Variants in DYM observed in about 807,000 individuals in gnomAD.
The protein encoded by DYM is dyggve-Melchior-Clausen syndrome protein.
Under a neutral mutation model 93.1 loss-of-function variants are expected in DYM, and 78 were observed. That is an observed-to-expected ratio of 0.84 (90% confidence interval 0.70 to 1.01). DYM has a LOEUF of 1.01. Among genes scored for constraint, DYM ranks in the 50% least tolerant of loss-of-function variants. DYM has a pLI of 0.00. For missense variants in DYM, 789 were observed against 845.0 expected, an observed-to-expected ratio of 0.93 and a Z score of 0.82; for synonymous variants, 321 against 319.7, an observed-to-expected ratio of 1.00 and a Z score of -0.04.
At chr18:49,360,160 T>TG (rs2065896158) in intron 6 of DYM, among the ~76,000 whole-genome samples, 1 of 151,974 alleles carries the variant, frequency 6.6e-6, no homozygotes, top group African/African-American at 2.4e-5. Flanking sequence ...AGTGTTTAAA[T>TG]GGCTGCTCTA....
chr18:49,435,305 G>C (rs1400809922), intron 1 of DYM, among the ~76,000 whole-genome samples: 2 of 150,154 alleles, frequency 1.3e-5, no homozygotes, highest in African/African-American at 4.9e-5. Flanking sequence ...GGAATGCTTT[G>C]TTATTATAAG....
intron 14 of DYM, among the ~76,000 whole-genome samples, chr18:49,201,031 A>C (rs759972083): frequency 1.3e-5 from 2 of 152,182 alleles, no homozygotes; most frequent in African/African-American, 2.4e-5. Context: ...TAGTATAACA[A>C]ATTTTTAAAT....
intron 11 of DYM, among the ~76,000 whole-genome samples, chr18:49,271,929 T>C (rs890286714): frequency 6.7e-6 from 1 of 148,160 alleles, no homozygotes; most frequent in Non-Finnish European, 1.5e-5. Flanking sequence ...ATGAACCCAG[T>C]AGCAGCAAAA....
intron 13 of DYM, among the ~76,000 whole-genome samples, chr18:49,210,338 A>C (rs893533621): frequency 6.6e-6 from 1 of 152,250 alleles, no homozygotes; most frequent in African/African-American, 2.4e-5. Context: ...ATAAATAAAT[A>C]AACGGTGGTA....
chr18:49,267,466 C>T (rs1242696862), intron 11 of DYM, among the ~76,000 whole-genome samples: 1 of 152,028 alleles, frequency 6.6e-6, no homozygotes, highest in Non-Finnish European at 1.5e-5. Flanking sequence ...TATAAAAAAG[C>T]AAAAGATCCA....
Position 49,286,663 on chromosome 18 carries a change from G to C in DYM, c.764-47C>G, listed in dbSNP as rs573636891. On this transcript the variant is annotated intron_variant, in intron 8 of 17. Coordinates refer to ENST00000675505, the MANE Select transcript of DYM (RefSeq NM_001353214.3). The stretch of plus-strand genomic sequence containing the variant: ...TAGGATGTGCTGCCACCAATGAGAT[G>C]AATGTATTTCTGTAAAGTATTCTGT... 9 of 1,563,316 alleles carry C rather than the reference G, an allele frequency of 5.8e-6. No individual in the cohort carries two copies. In the South Asian group the frequency reaches 1.0e-4, roughly 18 times the overall value.
chr18:49,394,775 T>A (rs1172939501), intron 2 of DYM, among the ~76,000 whole-genome samples: 1 of 152,198 alleles, frequency 6.6e-6, no homozygotes, highest in African/African-American at 2.4e-5. Context: ...TAGGTTTTTT[T>A]AATAGCTACT....
At chr18:49,274,882 T>A (rs2094811940) in intron 10 of DYM, among the ~76,000 whole-genome samples, 1 of 152,144 alleles carries the variant, frequency 6.6e-6, no homozygotes, top group South Asian at 2.1e-4. Context: ...TAGATACAGT[T>A]CCTTACCAGA....
intron 8 of DYM, among the ~76,000 whole-genome samples, chr18:49,294,045 T>G (rs538168162): frequency 4.6e-4 from 70 of 152,342 alleles, no homozygotes; most frequent in Non-Finnish European, 8.4e-4. Flanking sequence ...GTTAGCCAGT[T>G]TTCCCAACAC....
chr18:49,136,742 T>G (rs1250481875), intron 15 of DYM, among the ~76,000 whole-genome samples: 1 of 152,186 alleles, frequency 6.6e-6, no homozygotes, highest in Non-Finnish European at 1.5e-5. Flanking sequence ...AAAGAAAAGT[T>G]GATATTAATG....
At chr18:49,210,224 T>C (rs113098371) in intron 13 of DYM, among the ~76,000 whole-genome samples, 130 of 152,186 alleles carry the variant, frequency 8.5e-4, no homozygotes, top group African/African-American at 3.0e-3. Flanking sequence ...TCCAAAAGAG[T>C]TGAAAACTTA....
chr18:49,453,709 T>C (rs1280508561), intron 1 of DYM, among the ~76,000 whole-genome samples: 4 of 152,156 alleles, frequency 2.6e-5, no homozygotes, highest in Non-Finnish European at 4.4e-5. Context: ...TTAATTATTA[T>C]CCTGATAGCA....
intron 2 of DYM, among the ~76,000 whole-genome samples, chr18:49,403,330 T>C (rs149708254): frequency 6.6e-6 from 1 of 152,334 alleles, no homozygotes; most frequent in Non-Finnish European, 1.5e-5. Context: ...ACAATAGAAG[T>C]ATAAACCTAG....
intron 16 of DYM, among the ~76,000 whole-genome samples, chr18:49,099,783 C>G (rs2079943723): frequency 6.6e-6 from 1 of 152,106 alleles, no homozygotes; most frequent in Non-Finnish European, 1.5e-5. Context: ...TCCATAGTGC[C>G]TAAAAGTCTT....
chr18:49,127,344 T>C (rs186057511), intron 15 of DYM, among the ~76,000 whole-genome samples: 1 of 152,338 alleles, frequency 6.6e-6, no homozygotes, highest in East Asian at 1.9e-4. Context: ...AATAGAGAAG[T>C]TGGCCATTGT....
intron 1 of DYM, among the ~76,000 whole-genome samples, chr18:49,458,692 A>G (rs1444570319): frequency 6.6e-6 from 1 of 152,116 alleles, no homozygotes; most frequent in African/African-American, 2.4e-5. Flanking sequence ...ACAAAAAATT[A>G]GCCAGGCATG....
intron 3 of DYM, among the ~76,000 whole-genome samples, chr18:49,384,350 G>A (rs1429308101): frequency 6.8e-6 from 1 of 147,450 alleles, no homozygotes; most frequent in East Asian, 2.0e-4. Flanking sequence ...AAAAGGCTGG[G>A]TGCAGTGAGT....
intron 17 of DYM, among the ~76,000 whole-genome samples, chr18:49,062,483 G>A (rs773276235): frequency 6.6e-6 from 1 of 152,158 alleles, no homozygotes; most frequent in Non-Finnish European, 1.5e-5. Context: ...TGCCATAAAT[G>A]TGAAGCCAGC....
At chr18:49,318,617 T>TC (rs35844315) in intron 8 of DYM, among the ~76,000 whole-genome samples, 17,124 of 150,242 alleles carry the variant, frequency 0.11, 1,319 homozygotes, top group African/African-American at 0.22. Context: ...CAAGACTCTG[T>TC]CCCCCCACAA....
Sources: allele counts gnomAD v4.1 joint callset (sites outside exome capture counted in the v4.1 genomes callset), GRCh38; gene constraint gnomAD v4.1.1; transcripts MANE v1.5; gene names NCBI Gene and HGNC (gene_info 2026-07-23, HGNC 2026-07-21).